PDE3B: variants seen among roughly 807,000 people sequenced by gnomAD.
PDE3B encodes the protein phosphodiesterase 3B.
PDE3B carries 66 observed loss-of-function variants against 116.8 expected under a neutral mutation model. The ratio of observed to expected loss-of-function variants is 0.56; its 90% CI spans 0.46 to 0.69. The LOEUF (loss-of-function observed/expected upper bound fraction) is 0.69, where lower values mean the gene tolerates loss of function less well. PDE3B is among the 30% of genes least tolerant of loss of function. The pLI, the probability that PDE3B is intolerant of heterozygous loss-of-function variation, is 0.00. For synonymous variants in PDE3B, 595 were observed against 533.6 expected (o/e 1.12, Z -1.59); for missense variants, 1,384 against 1,368.1 (o/e 1.01, Z -0.18).
At chr11:14,646,988 A>C (rs1853428540) in intron 1 of PDE3B, among the ~76,000 whole-genome samples, 1 of 152,110 alleles carries the variant, frequency 6.6e-6, no homozygotes, top group African/African-American at 2.4e-5. Context: ...TCTACAAAAT[A>C]ATTCTATTTT....
chr11:14,644,083 G>A lies in PDE3B; in HGVS notation c.8G>A (p.Arg3Lys), dbSNP rs757963964. 5.8e-6 allele frequency: 9 copies of A among 1,545,286 alleles called. No individual in the cohort carries two copies. In the East Asian group the frequency reaches 2.2e-4, roughly 37 times the overall value. The change falls in exon 1 of 16, where the codon AGG becomes AAG. Residue 3 changes from arginine (R) to lysine (K), a missense_variant. By Grantham distance (26) the Arg-to-Lys change is conservative (BLOSUM62 2). Transcript: ENST00000282096. MR[R>K]DERDAKAMRS... Reference sequence around the variant, plus strand: ...CCACCCCCGGCCCCAGCCATGAGGAGGGACGAGCGAGACGCCAAAGCCATG... The same window carrying A: ...CCACCCCCGGCCCCAGCCATGAGGAAGGACGAGCGAGACGCCAAAGCCATG...
Position 14,841,495 on chromosome 11 carries a change from T to C in PDE3B, c.2321-2332T>C, listed in dbSNP as rs549577463. ...GTGGACAAAATGATCTCTTATCTTA[T>C]AGCGATCAGTCTCTTTCCCTATGAA... On this transcript the variant is annotated intron_variant, in intron 11 of 15. Transcript: ENST00000282096. 2.7e-5 allele frequency among the ~76,000 whole-genome samples: 4 copies of C among 150,194 alleles called. No individual in the cohort carries two copies. In the East Asian group the frequency reaches 7.9e-4, roughly 30 times the overall value.
the PDE3B span, chr11:14,878,374 C>G: frequency 2.2e-6 from 3 of 1,356,114 alleles, no homozygotes; most frequent in African/African-American, 4.4e-5. Flanking sequence ...ATTTGGATGT[C>G]ATTCAGGAAA....
chr11:14,880,447 T>C, the PDE3B span: 1 of 1,613,472 alleles, frequency 6.2e-7, no homozygotes, highest in Non-Finnish European at 8.5e-7. Context: ...TGGAAAGGCA[T>C]TATACAAGAA....
At chr11:14,651,579 G>A (rs1853576026) in intron 1 of PDE3B, among the ~76,000 whole-genome samples, 1 of 152,176 alleles carries the variant, frequency 6.6e-6, no homozygotes, top group Admixed American at 6.5e-5. Context: ...TTATCAACCA[G>A]TGCTTCCTAT....
intron 5 of PDE3B, among the ~76,000 whole-genome samples, chr11:14,809,747 T>G (rs1415640564): frequency 6.6e-6 from 1 of 152,160 alleles, no homozygotes; most frequent in African/African-American, 2.4e-5. Flanking sequence ...CATGTGAGGA[T>G]ACAGTGAAAA....
In PDE3B at chr11:14,645,027, T is replaced by C; in HGVS notation, c.952T>C (p.Ser318Pro). ...CAGTTGCAAAATATTCAGGAGACCG[T>C]CGTTGCCTTGTATTTCCAGAGAACA... ...YGSCKIFRRP[S>P]LPCISREQMI... The change falls in exon 1 of 16, where the codon TCG becomes CCG. Residue 318 changes from serine to proline, a missense_variant. Coordinates refer to ENST00000282096, the MANE Select transcript of PDE3B (RefSeq NM_000922.4). The C allele has an allele frequency of 6.2e-7, 1 of 1,611,130 alleles. No homozygotes were observed. The highest frequency in any genetic ancestry group is 8.5e-7 in the Non-Finnish European group (1 of 1,178,656).
chr11:14,826,699 A>G (rs1272226580), intron 7 of PDE3B, among the ~76,000 whole-genome samples: 1 of 152,182 alleles, frequency 6.6e-6, no homozygotes, highest in African/African-American at 2.4e-5. Context: ...ATCCTACCAG[A>G]TGTACAAAGA....
At chr11:14,852,582 T>TA (rs1847774846) in intron 12 of PDE3B, among the ~76,000 whole-genome samples, 1 of 152,236 alleles carries the variant, frequency 6.6e-6, no homozygotes, top group Non-Finnish European at 1.5e-5. Context: ...TTCTCATTGT[T>TA]ACGAATTGCC....
intron 1 of PDE3B, among the ~76,000 whole-genome samples, chr11:14,694,310 C>A (rs1855137479): frequency 6.6e-6 from 1 of 152,130 alleles, no homozygotes; most frequent in South Asian, 2.1e-4. Flanking sequence ...AAAAGAAGTT[C>A]TAGTATGGAT....
intron 1 of PDE3B, among the ~76,000 whole-genome samples, chr11:14,664,125 C>T (rs971291063): frequency 5.3e-5 from 8 of 152,206 alleles, no homozygotes; most frequent in South Asian, 2.1e-4. Flanking sequence ...CTCAAAACCG[C>T]TCAACTATAT....
intron 8 of PDE3B, 79 bp from the exon 9 acceptor site, chr11:14,831,561 C>A: frequency 1.2e-6 from 1 of 836,966 alleles, no homozygotes; most frequent in East Asian, 3.2e-5. Flanking sequence ...ATGTTTAATC[C>A]TAAGTGTTCT....
At chr11:14,718,622 C>G (rs1427249524) in intron 1 of PDE3B, among the ~76,000 whole-genome samples, 1 of 150,308 alleles carries the variant, frequency 6.7e-6, no homozygotes, top group East Asian at 2.0e-4. Context: ...GAATCTCACT[C>G]AAAACCGCTC....
intron 1 of PDE3B, among the ~76,000 whole-genome samples, chr11:14,769,370 C>T (rs187685964): frequency 6.6e-6 from 1 of 151,148 alleles, no homozygotes; most frequent in Admixed American, 6.6e-5. Context: ...AAGCATTGTA[C>T]ATAGTAAGAT....
chr11:14,668,622 A>G (rs1854263465), intron 1 of PDE3B, among the ~76,000 whole-genome samples: 2 of 152,166 alleles, frequency 1.3e-5, no homozygotes, highest in Non-Finnish European at 1.5e-5. Context: ...TACCCATTTA[A>G]TAGAGTTCTC....
chr11:14,746,220 C>G (rs545526191), intron 1 of PDE3B, among the ~76,000 whole-genome samples: 12 of 152,082 alleles, frequency 7.9e-5, no homozygotes, highest in Middle Eastern at 3.4e-3. Flanking sequence ...ATGGTGAAAC[C>G]CTGTCTCTAC....
intron 1 of PDE3B, among the ~76,000 whole-genome samples, chr11:14,768,921 G>A (rs1051546800): frequency 2.0e-5 from 3 of 151,476 alleles, no homozygotes; most frequent in Non-Finnish European, 4.4e-5. Context: ...ATTACTTATG[G>A]AGAAAATTGT....
chr11:14,672,917 CTTT>C (rs36095953), intron 1 of PDE3B, among the ~76,000 whole-genome samples: 3 of 141,604 alleles, frequency 2.1e-5, no homozygotes, highest in Admixed American at 1.4e-4. Flanking sequence ...AAAAACTTTA[CTTT>C]TTTTTTTTTT....
chr11:14,673,488 C>A (rs1854435522), intron 1 of PDE3B: 2 of 303,078 alleles, frequency 6.6e-6, no homozygotes, highest in Admixed American at 4.2e-5. Context: ...TTGTTACACA[C>A]TAACATCTTC....
Sources: allele counts gnomAD v4.1 joint callset (sites outside exome capture counted in the v4.1 genomes callset), GRCh38; gene constraint gnomAD v4.1.1; transcripts MANE v1.5; gene names NCBI Gene and HGNC (gene_info 2026-07-23, HGNC 2026-07-21).